The following IFT46 variants were observed in gnomAD, a reference collection of about 807,000 sequenced individuals.
The protein encoded by IFT46 is intraflagellar transport 46, also known as intraflagellar transport protein 46 homolog.
A neutral mutation model predicts 39.6 loss-of-function variants in IFT46; 19 were observed. That is an observed-to-expected ratio of 0.48 (90% CI 0.33 to 0.70). The LOEUF (loss-of-function observed/expected upper bound fraction) is 0.70. IFT46 is among the 30% of genes least tolerant of loss of function. The pLI, the probability that IFT46 is intolerant of heterozygous loss-of-function variation, is 0.01. For missense variants in IFT46, 334 were observed against 364.8 expected, an observed-to-expected ratio of 0.92 and a Z score of 0.69; for synonymous variants, 117 against 134.8, an observed-to-expected ratio of 0.87 and a Z score of 0.91.
At chr11:118,545,730 T>G in intron 10 of IFT46, 63 bp downstream of exon 10, 5 of 1,521,200 alleles carry the variant, frequency 3.3e-6, no homozygotes, top group Non-Finnish European at 4.6e-6. Context: ...TAAACAAGCC[T>G]GTCCAAAAGC....
upstream of IFT46, among the ~76,000 whole-genome samples, chr11:118,576,043 C>G (rs901002066): frequency 5.3e-5 from 8 of 151,210 alleles, no homozygotes; most frequent in Non-Finnish European, 8.8e-5. Flanking sequence ...ACACAGAGCA[C>G]TTTGGATTTC....
chr11:118,566,292 T>A (rs187956987), upstream of IFT46, among the ~76,000 whole-genome samples: 1 of 152,304 alleles, frequency 6.6e-6, no homozygotes, highest in Non-Finnish European at 1.5e-5. Flanking sequence ...ACTCTGTAAG[T>A]CCTTTTCTAG....
chr11:118,552,039 A>G (rs910701512), intron 8 of IFT46, among the ~76,000 whole-genome samples, 175 bp downstream of exon 8: 1 of 152,176 alleles, frequency 6.6e-6, no homozygotes, highest in African/African-American at 2.4e-5. Context: ...GCTAAGTAAT[A>G]CTAGAGAAAT....
At chr11:118,574,637 A>G (rs1243581255), upstream of IFT46, among the ~76,000 whole-genome samples, 2 of 152,208 alleles carry the variant, frequency 1.3e-5, no homozygotes, top group Non-Finnish European at 2.9e-5. Flanking sequence ...GGCTTTAGTT[A>G]TTGAAGTGCA....
At chr11:118,546,983 A>G (rs782245287) in intron 9 of IFT46, 6 of 152,184 alleles carry the variant, frequency 3.9e-5, no homozygotes, top group Non-Finnish European at 7.3e-5. Flanking sequence ...ACTTGCTGCA[A>G]TTTGCTTTTT....
chr11:118,575,165 A>T (rs1938461415), upstream of IFT46, among the ~76,000 whole-genome samples: 2 of 152,132 alleles, frequency 1.3e-5, no homozygotes, highest in Middle Eastern at 3.4e-3. Context: ...TTTTTAGTAG[A>T]TACGGGGTTT....
intron 3 of IFT46, chr11:118,557,317 C>A: frequency 2.5e-6 from 1 of 405,842 alleles, no homozygotes; most frequent in East Asian, 4.2e-5. Flanking sequence ...TTACTTAGAT[C>A]TTCAGGGCCC....
chr11:118,560,890 C>T, intron 2 of IFT46: 1 of 801,846 alleles, frequency 1.2e-6, no homozygotes, highest in East Asian at 2.4e-5. Flanking sequence ...CTGCTTATGC[C>T]CGTATAGAGG....
At chr11:118,556,832 T>G in intron 4 of IFT46, 74 bp downstream of exon 4, 2 of 1,442,392 alleles carry the variant, frequency 1.4e-6, no homozygotes, top group Non-Finnish European at 1.8e-6. Context: ...CACTTCTAAC[T>G]GACGTCCTCC....
At position 118,555,031 on chromosome 11, in the gene IFT46, C is replaced by G. The variant is rs998727846; in HGVS notation, c.313G>C (p.Asp105His). The change falls in exon 6 of 12, where the codon GAT becomes CAT. Residue 105 changes from aspartate to histidine, a missense_variant. By Grantham distance (81) the Asp-to-His change is moderately conservative (BLOSUM62 -1). Transcript: ENST00000264021. ...LDHKLKPFIP[D>H]FIPAVGDIDA... ...ATATCCCCGACAGCTGGGATAAAAT[C>G]AGGAATGAAAGGCTTCAGTTTGTGG... 1 of 1,613,868 alleles carries G rather than the reference C, an allele frequency of 6.2e-7. No homozygotes were observed. Among genetic ancestry groups the G allele is most frequent in the Non-Finnish European group, 8.5e-7 (1 of 1,179,904 alleles).
intron 9 of IFT46, among the ~76,000 whole-genome samples, chr11:118,548,044 C>G (rs1215140950): frequency 6.9e-6 from 1 of 145,416 alleles, no homozygotes; most frequent in Non-Finnish European, 1.5e-5. Context: ...CCACGCCCAG[C>G]CTTTTTTTTT....
intron 2 of IFT46, chr11:118,560,803 A>C: frequency 1.4e-6 from 1 of 735,380 alleles, no homozygotes; most frequent in Non-Finnish European, 2.5e-6. Context: ...GCTTGGTGAT[A>C]CAGGATAAAA....
At chr11:118,551,902 A>G in intron 8 of IFT46, 50 bp from the exon 9 acceptor site, 1 of 1,512,110 alleles carries the variant, frequency 6.6e-7, no homozygotes, top group Non-Finnish European at 9.2e-7. Flanking sequence ...TGATAACATC[A>G]GCAACCTCTG....
At chr11:118,556,204 T>C (rs1937826862) in intron 4 of IFT46, among the ~76,000 whole-genome samples, 2 of 152,074 alleles carry the variant, frequency 1.3e-5, no homozygotes, top group Admixed American at 1.3e-4. Flanking sequence ...TAAAAAATTT[T>C]TGGGCGGCCG....
At chr11:118,560,658 C>T (rs1183853325) in intron 2 of IFT46, 15 of 515,484 alleles carry the variant, frequency 2.9e-5, no homozygotes, top group African/African-American at 5.8e-5. Context: ...AGGTCTCTGT[C>T]GAGCCGCAAA....
At chr11:118,569,453 A>C (rs1555072066), upstream of IFT46, among the ~76,000 whole-genome samples, 2 of 152,046 alleles carry the variant, frequency 1.3e-5, no homozygotes, top group African/African-American at 4.8e-5. Flanking sequence ...TTAATGAAAA[A>C]AAACTTTAAA....
intron 9 of IFT46, among the ~76,000 whole-genome samples, chr11:118,548,791 T>C (rs1425449101): frequency 6.9e-6 from 1 of 145,552 alleles, no homozygotes; most frequent in Non-Finnish European, 1.5e-5. Flanking sequence ...GCACCTGGCC[T>C]TTTTTTTTTC....
Position 118,545,826 on chromosome 11 carries a change from A to G in IFT46, c.700T>C (p.Cys234Arg). The part of the protein sequence containing the change: ...KVSLPTAEID[C>R]SLAEYIDMIC... Reference sequence around the variant, plus strand: ...ATGTCAATGTACTCTGCCAGGCTGCAATCAATCTCTGCCGTGGGCAGGCTT... The same window carrying G: ...ATGTCAATGTACTCTGCCAGGCTGCGATCAATCTCTGCCGTGGGCAGGCTT... The change falls in exon 10 of 12, where the codon TGC becomes CGC. Residue 234 changes from cysteine to arginine, a missense_variant. Physicochemically the swap from Cys to Arg is radical, Grantham distance 180. Transcript: ENST00000264021. 1 of 1,614,160 alleles carries G rather than the reference A, an allele frequency of 6.2e-7. No individual in the cohort carries two copies. The highest frequency in any genetic ancestry group is 8.5e-7 in the Non-Finnish European group (1 of 1,179,974).
At chr11:118,545,338 G>A (rs1245895749) in intron 11 of IFT46, 71 bp downstream of exon 11, 2 of 1,131,468 alleles carry the variant, frequency 1.8e-6, no homozygotes, top group African/African-American at 3.1e-5. Context: ...TGCAATCACA[G>A]CAGGCTCAGA....
Sources: gnomAD v4.1 joint callset for allele counts (sites outside exome capture counted in the v4.1 genomes callset) on GRCh38, gnomAD v4.1.1 for gene constraint, MANE v1.5 for transcripts, NCBI Gene and HGNC (gene_info 2026-07-23, HGNC 2026-07-21) for gene names.